FHIT: variants seen among roughly 807,000 people sequenced by gnomAD.
The protein encoded by FHIT is bis(5'-adenosyl)-triphosphatase.
A neutral mutation model predicts 17.9 loss-of-function variants in FHIT; 19 were observed. The ratio of observed to expected loss-of-function variants is 1.06; its 90% CI spans 0.74 to 1.56. The LOEUF (loss-of-function observed/expected upper bound fraction) is 1.56, where lower values mean the gene tolerates loss of function less well. Among genes scored for constraint, FHIT ranks in the 40% most tolerant of loss-of-function variants. FHIT has a pLI of 0.00. For synonymous variants in FHIT, 81 were observed against 69.7 expected (o/e 1.16, Z -0.81); for missense variants, 248 against 189.2 (o/e 1.31, Z -1.82).
intron 5 of FHIT, among the ~76,000 whole-genome samples, chr3:60,130,794 T>TAA (rs1699523534): frequency 1.0e-5 from 1 of 99,110 alleles, no homozygotes; most frequent in African/African-American, 3.0e-5. Flanking sequence ...GGTGTGTATA[T>TAA]ACACACATAT....
At chr3:60,599,325 C>T (rs562747565) in intron 4 of FHIT, among the ~76,000 whole-genome samples, 26 of 152,226 alleles carry the variant, frequency 1.7e-4, no homozygotes, top group African/African-American at 6.0e-4. Context: ...CAGTCACAGT[C>T]AATTGGCCAG....
intron 3 of FHIT, among the ~76,000 whole-genome samples, chr3:60,919,888 G>A (rs139867318): frequency 1.3e-5 from 2 of 152,188 alleles, no homozygotes; most frequent in East Asian, 3.9e-4. Context: ...ACAAAACTTA[G>A]CTAGGTGTGG....
At chr3:60,413,927 T>C (rs1360179034) in intron 5 of FHIT, among the ~76,000 whole-genome samples, 4 of 152,208 alleles carry the variant, frequency 2.6e-5, no homozygotes, top group Non-Finnish European at 4.4e-5. Flanking sequence ...AAAATAGTTA[T>C]GGTTTTAGCA....
intron 3 of FHIT, among the ~76,000 whole-genome samples, chr3:61,020,699 T>C (rs1265569061): frequency 1.3e-5 from 2 of 152,204 alleles, no homozygotes; most frequent in Non-Finnish European, 2.9e-5. Context: ...ACAGGCTAAA[T>C]GCCCCAATTG....
chr3:60,832,949 T>C (rs1369008380), intron 3 of FHIT, among the ~76,000 whole-genome samples: 5 of 152,218 alleles, frequency 3.3e-5, no homozygotes, highest in African/African-American at 1.2e-4. Context: ...TCAGTAGCCA[T>C]ATATGTTGCT....
chr3:61,115,689 T>A (rs904268462), intron 2 of FHIT, among the ~76,000 whole-genome samples: 1 of 152,126 alleles, frequency 6.6e-6, no homozygotes, highest in Non-Finnish European at 1.5e-5. Flanking sequence ...TTCTTAAAGA[T>A]ACCTTGAGAC....
intron 2 of FHIT, among the ~76,000 whole-genome samples, chr3:61,048,137 A>C (rs903750815): frequency 6.6e-6 from 1 of 152,080 alleles, no homozygotes; most frequent in Non-Finnish European, 1.5e-5. Flanking sequence ...GATCTAATTA[A>C]ACTCAAGAGC....
At chr3:61,036,914 G>T (rs7618714) in intron 3 of FHIT, among the ~76,000 whole-genome samples, 82,003 of 125,662 alleles carry the variant, frequency 0.65, 26,088 homozygotes, top group East Asian at 0.82. Context: ...TTTTTTTTTT[G>T]TTTGTTTGTT....
At chr3:61,134,370 A>G (rs888300036) in intron 2 of FHIT, among the ~76,000 whole-genome samples, 2 of 152,176 alleles carry the variant, frequency 1.3e-5, no homozygotes, top group African/African-American at 4.8e-5. Context: ...TATTCATTCA[A>G]TAAGTATTTG....
chr3:61,167,053 A>G (rs1474190560), intron 2 of FHIT: 2 of 152,172 alleles, frequency 1.3e-5, no homozygotes, highest in East Asian at 1.9e-4. Context: ...CTTCAGATAA[A>G]AACACAAACA....
chr3:60,752,300 C>T (rs1427720333), intron 4 of FHIT, among the ~76,000 whole-genome samples: 3 of 152,206 alleles, frequency 2.0e-5, no homozygotes, highest in Non-Finnish European at 4.4e-5. Flanking sequence ...ACAAATTACA[C>T]AACATACTTT....
chr3:60,592,492 C>A (rs777642125), intron 4 of FHIT, among the ~76,000 whole-genome samples: 1 of 152,044 alleles, frequency 6.6e-6, no homozygotes. Flanking sequence ...GCACCGTGGT[C>A]ATCTAAAACC....
chr3:60,646,648 T>C (rs141830363), intron 4 of FHIT, among the ~76,000 whole-genome samples: 1 of 152,258 alleles, frequency 6.6e-6, no homozygotes, highest in African/African-American at 2.4e-5. Context: ...CAATTTCTTT[T>C]AGAGGAGTTA....
chr3:59,803,472 T>C (rs375783700), intron 8 of FHIT, among the ~76,000 whole-genome samples: 99 of 152,296 alleles, frequency 6.5e-4, no homozygotes, highest in African/African-American at 2.4e-3. Context: ...TCTCCGAATG[T>C]GATTTGGCGG....
At chr3:60,664,615 T>G (rs1162790973) in intron 4 of FHIT, among the ~76,000 whole-genome samples, 1 of 151,912 alleles carries the variant, frequency 6.6e-6, no homozygotes, top group African/African-American at 2.4e-5. Flanking sequence ...TAGAGATTTC[T>G]TTTTTGGGAT....
In FHIT at chr3:59,808,496, A is replaced by G. The variant is rs140859524; in HGVS notation, c.349-56175T>C. On this transcript the variant is annotated intron_variant, in intron 8 of 9. Coordinates refer to ENST00000492590, the MANE Select transcript of FHIT (RefSeq NM_002012.4). Reference sequence around the variant, plus strand: ...CAGTCTCTACCCTACGGTAAAACTCAGGTCCAACCACGTCCACTCCTTTTG... The same window carrying G: ...CAGTCTCTACCCTACGGTAAAACTCGGGTCCAACCACGTCCACTCCTTTTG... Among the ~76,000 whole-genome samples the G allele has an allele frequency of 5.0e-3, 769 of 152,282 alleles. 4 individuals are homozygous for G. The highest frequency in any genetic ancestry group is 6.1e-3 in the African/African-American group (253 of 41,572).
intron 5 of FHIT, among the ~76,000 whole-genome samples, chr3:60,529,827 A>G (rs1423365206): frequency 6.6e-6 from 1 of 152,176 alleles, no homozygotes; most frequent in East Asian, 1.9e-4. Context: ...AGATACATAT[A>G]ATTATCATTC....
chr3:60,340,914 A>C (rs1710483878), intron 5 of FHIT, among the ~76,000 whole-genome samples: 1 of 151,974 alleles, frequency 6.6e-6, no homozygotes, highest in Admixed American at 6.6e-5. Context: ...CTGGTCTCTA[A>C]CTCCTGACCT....
At chr3:60,077,708 A>C (rs1488625377) in intron 5 of FHIT, among the ~76,000 whole-genome samples, 25 of 103,826 alleles carry the variant, frequency 2.4e-4, no homozygotes, top group African/African-American at 1.0e-3. Context: ...ACACACACAC[A>C]CACACACACA....
Sources: gnomAD v4.1 joint callset for allele counts (sites outside exome capture counted in the v4.1 genomes callset) on GRCh38, gnomAD v4.1.1 for gene constraint, MANE v1.5 for transcripts, NCBI Gene and HGNC (gene_info 2026-07-23, HGNC 2026-07-21) for gene names.